Variants in ERICH3 observed in about 807,000 individuals in gnomAD.
The protein encoded by ERICH3 is glutamate-rich protein 3.
A neutral mutation model predicts 131.1 loss-of-function variants in ERICH3; 126 were observed. That is an observed-to-expected ratio of 0.96 (90% CI 0.83 to 1.11). The LOEUF is 1.11. Ranked by LOEUF, ERICH3 falls within the 50% of genes most tolerant of loss-of-function variation. The pLI is 0.00. For synonymous variants in ERICH3, 695 were observed against 644.6 expected (o/e 1.08, Z -1.18); for missense variants, 2,050 against 1,810.7 (o/e 1.13, Z -2.40).
At chr1:74,593,261 A>G (rs1647691491) in intron 11 of ERICH3, among the ~76,000 whole-genome samples, 1 of 152,122 alleles carries the variant, frequency 6.6e-6, no homozygotes, top group African/African-American at 2.4e-5. Flanking sequence ...CATGTCATTG[A>G]CAACTGCTTC....
chr1:74,610,340 G>C (rs1648626288), intron 9 of ERICH3, among the ~76,000 whole-genome samples: 1 of 150,456 alleles, frequency 6.6e-6, no homozygotes, highest in Non-Finnish European at 1.5e-5. Context: ...ACAATCAGCA[G>C]AGAGCTTCCA....
At chr1:74,666,063 A>C (rs962300207) in intron 1 of ERICH3, among the ~76,000 whole-genome samples, 6 of 152,192 alleles carry the variant, frequency 3.9e-5, no homozygotes, top group South Asian at 4.1e-4. Flanking sequence ...ACCATCAAAA[A>C]AGGGCATAGA....
chr1:74,597,226 A>G (rs1647894781), intron 11 of ERICH3, among the ~76,000 whole-genome samples: 1 of 152,068 alleles, frequency 6.6e-6, no homozygotes, highest in Admixed American at 6.6e-5. Context: ...GACACTCCAC[A>G]TACTAAAAGA....
intron 6 of ERICH3, among the ~76,000 whole-genome samples, chr1:74,634,303 C>T (rs975606283): frequency 2.0e-5 from 3 of 152,016 alleles, no homozygotes; most frequent in Non-Finnish European, 4.4e-5. Context: ...TAAAGCAGTA[C>T]CAAGGCCATC....
chr1:74,582,510 T>C (rs745414180), intron 12 of ERICH3, among the ~76,000 whole-genome samples: 2 of 152,166 alleles, frequency 1.3e-5, no homozygotes, highest in Non-Finnish European at 2.9e-5. Flanking sequence ...CCAAATGACA[T>C]AAATTTCACA....
At chr1:74,610,739 C>T (rs1343686436) in intron 9 of ERICH3, among the ~76,000 whole-genome samples, 1 of 151,926 alleles carries the variant, frequency 6.6e-6, no homozygotes, top group Non-Finnish European at 1.5e-5. Flanking sequence ...TTTTCTCCAA[C>T]TATTTTTTAA....
intron 12 of ERICH3, chr1:74,586,530 T>C: frequency 7.2e-6 from 7 of 975,098 alleles, no homozygotes; most frequent in Non-Finnish European, 8.5e-6. Flanking sequence ...AACCAAATTT[T>C]TGTGAGAAAA....
At chr1:74,611,090 C>G (rs1178460525) in intron 9 of ERICH3, among the ~76,000 whole-genome samples, 1 of 152,012 alleles carries the variant, frequency 6.6e-6, no homozygotes, top group Non-Finnish European at 1.5e-5. Flanking sequence ...ATATGCAAAC[C>G]ATTCTCAGAT....
chr1:74,629,739 C>A (rs563459862), intron 7 of ERICH3, among the ~76,000 whole-genome samples: 5 of 152,278 alleles, frequency 3.3e-5, no homozygotes, highest in Non-Finnish European at 7.4e-5. Flanking sequence ...AAAAACCAAA[C>A]CCAGGCTGTG....
rs139039758 is a variant in ERICH3, at chr1:74,589,640, C to G, written c.2167G>C (p.Glu723Gln). 2.5e-6 allele frequency: 4 copies of G among 1,613,466 alleles called. No homozygotes were observed. The African/African-American group carries it at 4.0e-5, about 16-fold the overall frequency. The part of the protein sequence containing the change: ...KDKKAGLPGL[E>Q]EGGKDSLPLA... ...CAACGGCCATACTTACCACCTTCCTCCAACCCAGGGAGACCTGCCTTTTTG... is the reference window on the plus strand; with the variant it reads ...CAACGGCCATACTTACCACCTTCCTGCAACCCAGGGAGACCTGCCTTTTTG... The change falls in exon 12 of 15, where the codon GAG becomes CAG. Residue 723 changes from glutamate to glutamine, a missense_variant. Glu to Gln is a conservative substitution (Grantham distance 29, BLOSUM62 2). Transcript: ENST00000326665.
intron 1 of ERICH3, among the ~76,000 whole-genome samples, chr1:74,655,685 T>G (rs1469116830): frequency 6.6e-6 from 1 of 152,160 alleles, no homozygotes; most frequent in Non-Finnish European, 1.5e-5. Flanking sequence ...AAGTAACAGA[T>G]CCACATGCTC....
At chr1:74,616,957 A>G (rs114864593) in intron 8 of ERICH3, among the ~76,000 whole-genome samples, 1,604 of 152,284 alleles carry the variant, frequency 0.011, 29 homozygotes, top group African/African-American at 0.037. Context: ...GGAAACCCAC[A>G]AGAGAATAAA....
intron 12 of ERICH3, among the ~76,000 whole-genome samples, chr1:74,588,825 TA>T (rs1230555468): frequency 5.3e-5 from 8 of 152,084 alleles, no homozygotes; most frequent in Non-Finnish European, 1.5e-5. Flanking sequence ...GGGGCCTGAT[TA>T]TCCTGACACT....
At chr1:74,672,962 C>T (rs1327609534) in intron 1 of ERICH3, among the ~76,000 whole-genome samples, 2 of 152,056 alleles carry the variant, frequency 1.3e-5, no homozygotes, top group Non-Finnish European at 2.9e-5. Context: ...TATTAAAATA[C>T]TTTTTAAAGA....
intron 7 of ERICH3, among the ~76,000 whole-genome samples, chr1:74,630,814 AGGGC>A (rs1646320863): frequency 6.6e-6 from 1 of 151,978 alleles, no homozygotes; most frequent in Admixed American, 6.6e-5. Flanking sequence ...TCAAAGACGC[AGGGC>A]AAGGGTGGGC....
intron 8 of ERICH3, among the ~76,000 whole-genome samples, chr1:74,618,005 G>A (rs1649053861): frequency 6.6e-6 from 1 of 151,980 alleles, no homozygotes; most frequent in Non-Finnish European, 1.5e-5. Flanking sequence ...GACCAGACTG[G>A]GCAACATAGC....
At position 74,643,065 on chromosome 1, in the gene ERICH3, C is replaced by A; in HGVS notation, c.277G>T (p.Glu93Ter). ...YHQLEIKKKL[E>*]TLARKERIQR... is the part of the protein sequence containing the mutation. ...ATTCGCTCCTTCCTAGCTAAGGTCT[C>A]CAATTTCTTTTTTATTTCAAGCTGA... Residue 93 changes from glutamate (E) to a stop codon, truncating the protein, a stop_gained, in exon 4 of 15, where the codon GAG becomes TAG. Coordinates refer to ENST00000326665, the MANE Select transcript of ERICH3 (RefSeq NM_001002912.5). LOFTEE classifies it high-confidence loss of function. 1 of 1,611,188 alleles carries A rather than the reference C, an allele frequency of 6.2e-7. No homozygotes were observed. Among genetic ancestry groups the A allele is most frequent in the Non-Finnish European group, 8.5e-7 (1 of 1,178,370 alleles).
intron 3 of ERICH3, among the ~76,000 whole-genome samples, chr1:74,645,903 A>C (rs1646478783): frequency 6.6e-6 from 1 of 152,030 alleles, no homozygotes; most frequent in Non-Finnish European, 1.5e-5. Context: ...TGTTTACTGC[A>C]CTCACAGGTC....
chr1:74,597,239 T>A (rs951793883), intron 11 of ERICH3, among the ~76,000 whole-genome samples: 1 of 151,998 alleles, frequency 6.6e-6, no homozygotes, highest in African/African-American at 2.4e-5. Context: ...CTAAAAGACA[T>A]GTTTATGCCT....
Sources: gnomAD v4.1 joint callset for allele counts (sites outside exome capture counted in the v4.1 genomes callset) on GRCh38, gnomAD v4.1.1 for gene constraint, MANE v1.5 for transcripts, NCBI Gene and HGNC (gene_info 2026-07-23, HGNC 2026-07-21) for gene names.